The following GRID2 variants were observed in gnomAD, a reference collection of about 807,000 sequenced individuals.
GRID2 encodes the protein glutamate receptor ionotropic, delta-2.
Under a neutral mutation model 114.8 loss-of-function variants are expected in GRID2, and 33 were observed. The observed-to-expected ratio is 0.29, with a 90% CI of 0.22 to 0.38. The LOEUF (loss-of-function observed/expected upper bound fraction) is 0.38. Among genes scored for constraint, GRID2 ranks in the 10% least tolerant of loss-of-function variants. The pLI, the probability that GRID2 is intolerant of heterozygous loss-of-function variation, is 1.00. For synonymous variants in GRID2, 505 were observed against 449.9 expected, an observed-to-expected ratio of 1.12 and a Z score of -1.55; for missense variants, 1,184 against 1,257.7, an observed-to-expected ratio of 0.94 and a Z score of 0.89.
At chr4:92,704,725 C>CTCTCTCTCTCTCTCTCTCTCTCTT (rs1560542517) in intron 2 of GRID2, among the ~76,000 whole-genome samples, 11 of 133,250 alleles carry the variant, frequency 8.3e-5, no homozygotes, top group East Asian at 2.4e-4. Context: ...CTCTCTCTTT[C>CTCTCTCTCTCTCTCTCTCTCTCTT]TCTCTCTCTC....
intron 4 of GRID2, among the ~76,000 whole-genome samples, chr4:93,176,993 C>T (rs1351662300): frequency 6.6e-6 from 1 of 152,132 alleles, no homozygotes; most frequent in Admixed American, 6.6e-5. Context: ...AGTCCAATAA[C>T]AATACAAGTA....
At chr4:93,260,954 T>C (rs1750184887) in intron 8 of GRID2, among the ~76,000 whole-genome samples, 1 of 151,816 alleles carries the variant, frequency 6.6e-6, no homozygotes, top group African/African-American at 2.4e-5. Context: ...TTCCAAGGCC[T>C]AACAAGCACA....
At chr4:92,826,859 G>T (rs1240079761) in intron 2 of GRID2, among the ~76,000 whole-genome samples, 2 of 152,006 alleles carry the variant, frequency 1.3e-5, no homozygotes, top group Admixed American at 6.6e-5. Context: ...ACTGGTAATT[G>T]GTTTGATTGA....
chr4:93,180,966 C>T (rs977410000), intron 4 of GRID2, among the ~76,000 whole-genome samples: 1 of 152,132 alleles, frequency 6.6e-6, no homozygotes, highest in Non-Finnish European at 1.5e-5. Context: ...TTGACATGCT[C>T]TCATGAATCA....
downstream of GRID2, chr4:93,810,201 T>G (rs902435526): frequency 2.2e-4 from 34 of 152,184 alleles, no homozygotes; most frequent in African/African-American, 7.7e-4. Flanking sequence ...TAGTTTCTTT[T>G]TCAGAAATAA....
At chr4:93,586,071 T>C (rs531867409) in intron 13 of GRID2, among the ~76,000 whole-genome samples, 1 of 152,100 alleles carries the variant, frequency 6.6e-6, no homozygotes, top group Admixed American at 6.6e-5. Flanking sequence ...TACTCCTGAG[T>C]GTCTGACCTC....
At chr4:92,587,961 G>T (rs1278043036) in intron 1 of GRID2, among the ~76,000 whole-genome samples, 2 of 152,126 alleles carry the variant, frequency 1.3e-5, no homozygotes, top group Non-Finnish European at 2.9e-5. Context: ...AAACATCTTT[G>T]TATAAACACA....
intron 1 of GRID2, among the ~76,000 whole-genome samples, chr4:92,353,466 C>A (rs1179334942): frequency 6.6e-6 from 1 of 151,882 alleles, no homozygotes; most frequent in Non-Finnish European, 1.5e-5. Flanking sequence ...AGATTAAATT[C>A]TCCTCCTTCC....
At chr4:92,767,283 C>T (rs560694584) in intron 2 of GRID2, among the ~76,000 whole-genome samples, 71 of 152,184 alleles carry the variant, frequency 4.7e-4, no homozygotes, top group African/African-American at 1.7e-3. Flanking sequence ...ACAAAGGTGC[C>T]TTGCTAACTT....
Position 93,387,469 on chromosome 4 carries a change from C to G in GRID2, c.1246-8138C>G, listed in dbSNP as rs148040753. Among the ~76,000 whole-genome samples the G allele has an allele frequency of 6.8e-3, 1,032 of 152,236 alleles. 9 individuals carry two copies. The highest frequency in any genetic ancestry group is 0.023 in the African/African-American group (956 of 41,568). On this transcript the variant is annotated intron_variant, in intron 8 of 15. Transcript: ENST00000282020. ...ATCTAAATTTAAAAGGGGGAAAAATCTCAGCTGATAGCTGGTAACACAGTG... is the reference window on the plus strand; with the variant it reads ...ATCTAAATTTAAAAGGGGGAAAAATGTCAGCTGATAGCTGGTAACACAGTG...
chr4:93,090,360 G>A (rs941932141), intron 3 of GRID2, among the ~76,000 whole-genome samples: 1 of 152,150 alleles, frequency 6.6e-6, no homozygotes, highest in African/African-American at 2.4e-5. Flanking sequence ...TCCACTTGGC[G>A]AGAAGCATTA....
intron 2 of GRID2, among the ~76,000 whole-genome samples, chr4:92,664,799 C>G (rs1431037153): frequency 6.6e-6 from 1 of 151,020 alleles, no homozygotes; most frequent in Non-Finnish European, 1.5e-5. Context: ...TCACTTGTAA[C>G]CTTTTTAAAT....
chr4:92,944,865 C>T (rs984510653), intron 2 of GRID2, among the ~76,000 whole-genome samples: 1 of 151,912 alleles, frequency 6.6e-6, no homozygotes, highest in Non-Finnish European at 1.5e-5. Context: ...AAGGGCAAAC[C>T]TTATATATTT....
chr4:92,585,362 C>T (rs988626018), intron 1 of GRID2, among the ~76,000 whole-genome samples: 2 of 151,812 alleles, frequency 1.3e-5, no homozygotes, highest in African/African-American at 4.8e-5. Flanking sequence ...ATATGTTAGT[C>T]AAAATTAAGT....
chr4:92,381,278 C>T (rs1729607527), intron 1 of GRID2, among the ~76,000 whole-genome samples: 1 of 151,970 alleles, frequency 6.6e-6, no homozygotes, highest in African/African-American at 2.4e-5. Flanking sequence ...GGCAGTCTGG[C>T]CCCAAAATCA....
At chr4:92,730,786 G>T (rs1383352589) in intron 2 of GRID2, among the ~76,000 whole-genome samples, 1 of 151,866 alleles carries the variant, frequency 6.6e-6, no homozygotes, top group Non-Finnish European at 1.5e-5. Flanking sequence ...TGGTGCAAGC[G>T]AATAAGCAAT....
intron 13 of GRID2, among the ~76,000 whole-genome samples, chr4:93,618,666 G>A (rs745779835): frequency 5.3e-5 from 8 of 152,314 alleles, no homozygotes; most frequent in South Asian, 2.1e-4. Flanking sequence ...AAGGAAGTCC[G>A]GAGGACTTGG....
chr4:93,530,686 A>G (rs756110601), intron 13 of GRID2, among the ~76,000 whole-genome samples: 11 of 152,048 alleles, frequency 7.2e-5, no homozygotes, highest in Non-Finnish European at 1.5e-4. Flanking sequence ...TTGCTTGTCT[A>G]TCCTTCTAGA....
chr4:92,541,819 T>C (rs1229861930), intron 1 of GRID2, among the ~76,000 whole-genome samples: 4 of 152,062 alleles, frequency 2.6e-5, no homozygotes, highest in Non-Finnish European at 5.9e-5. Flanking sequence ...TGTTAGAGAA[T>C]CCTGGTTGTT....
Sources: allele counts gnomAD v4.1 joint callset (sites outside exome capture counted in the v4.1 genomes callset), GRCh38; gene constraint gnomAD v4.1.1; transcripts MANE v1.5; gene names NCBI Gene and HGNC (gene_info 2026-07-23, HGNC 2026-07-21).